The following CDKAL1 variants were observed in gnomAD, a reference collection of about 807,000 sequenced individuals.
CDKAL1 encodes CDKAL1 threonylcarbamoyladenosine tRNA methylthiotransferase.
A neutral mutation model predicts 68.2 loss-of-function variants in CDKAL1; 32 were observed. The ratio of observed to expected loss-of-function variants is 0.47; its 90% CI spans 0.35 to 0.63. The LOEUF is 0.63. CDKAL1 is among the 30% of genes least tolerant of loss of function. The pLI is 0.00. For missense variants in CDKAL1, 606 were observed against 696.7 expected (o/e 0.87, Z 1.47); for synonymous variants, 234 against 244.3 (o/e 0.96, Z 0.39).
chr6:20,869,924 A>G (rs1477399331), intron 9 of CDKAL1, among the ~76,000 whole-genome samples: 1 of 152,166 alleles, frequency 6.6e-6, no homozygotes, highest in Non-Finnish European at 1.5e-5. Context: ...AGCATCTGTG[A>G]TTGTAGGTAA....
chr6:20,624,943 G>A (rs1357780823), intron 4 of CDKAL1, among the ~76,000 whole-genome samples: 1 of 151,998 alleles, frequency 6.6e-6, no homozygotes, highest in African/African-American at 2.4e-5. Flanking sequence ...TTTTGGCACA[G>A]GTCATATGAT....
At chr6:20,615,018 G>C (rs1000113527) in intron 4 of CDKAL1, among the ~76,000 whole-genome samples, 2 of 138,554 alleles carry the variant, frequency 1.4e-5, no homozygotes, top group Non-Finnish European at 3.1e-5. Flanking sequence ...CTATGAGTGA[G>C]AATATGCGGT....
At chr6:20,939,819 C>A (rs1390606225) in intron 9 of CDKAL1, among the ~76,000 whole-genome samples, 2 of 152,066 alleles carry the variant, frequency 1.3e-5, no homozygotes, top group Admixed American at 6.6e-5. Flanking sequence ...ATAGATCACA[C>A]CTGGAAATGA....
At chr6:21,204,978 T>C (rs1274760736) in intron 15 of CDKAL1, among the ~76,000 whole-genome samples, 1 of 152,226 alleles carries the variant, frequency 6.6e-6, no homozygotes. Flanking sequence ...TGGTAACTTC[T>C]AATCTACTTT....
At chr6:20,820,748 A>G (rs748890048) in intron 8 of CDKAL1, among the ~76,000 whole-genome samples, 4 of 152,090 alleles carry the variant, frequency 2.6e-5, no homozygotes, top group Non-Finnish European at 5.9e-5. Flanking sequence ...CATATATTCA[A>G]AAATGTTTAT....
intron 13 of CDKAL1, among the ~76,000 whole-genome samples, chr6:21,167,408 A>G (rs991847674): frequency 6.6e-6 from 1 of 152,220 alleles, no homozygotes; most frequent in African/African-American, 2.4e-5. Flanking sequence ...AAATATTAGA[A>G]AACACTTAAT....
chr6:21,098,360 G>A (rs1773417847), intron 12 of CDKAL1, among the ~76,000 whole-genome samples: 1 of 152,046 alleles, frequency 6.6e-6, no homozygotes, highest in Non-Finnish European at 1.5e-5. Context: ...GACTGTAGGG[G>A]GAATGAAGGA....
chr6:20,863,283 C>T (rs1242332557), intron 9 of CDKAL1, among the ~76,000 whole-genome samples: 1 of 152,124 alleles, frequency 6.6e-6, no homozygotes, highest in African/African-American at 2.4e-5. Context: ...CATCATCTCT[C>T]CTCATTCTGC....
rs550571623 is a variant in CDKAL1, at chr6:20,631,560, C to T, written c.287-17733C>T. Among the ~76,000 whole-genome samples, 139 of 152,292 alleles carry T rather than the reference C, an allele frequency of 9.1e-4. 1 individual carries two copies. The highest frequency in any genetic ancestry group is 3.1e-3 in the African/African-American group (127 of 41,562). On this transcript the variant is annotated intron_variant, in intron 4 of 15. Coordinates refer to ENST00000274695, the MANE Select transcript of CDKAL1 (RefSeq NM_017774.3). The stretch of plus-strand genomic sequence containing the variant: ...TGCAACCATCTCTTCTCCACTTGAG[C>T]ATCTATTTCCCCATAATTAATGGTG...
intron 11 of CDKAL1, among the ~76,000 whole-genome samples, chr6:21,054,591 T>G (rs1327348924): frequency 2.0e-5 from 3 of 152,186 alleles, no homozygotes; most frequent in Non-Finnish European, 2.9e-5. Context: ...GAAAATTATA[T>G]ATTCTTCCAT....
intron 13 of CDKAL1, among the ~76,000 whole-genome samples, chr6:21,192,282 A>G (rs1026689116): frequency 6.6e-6 from 1 of 151,542 alleles, no homozygotes; most frequent in Non-Finnish European, 1.5e-5. Context: ...CGGCCTCCCA[A>G]AGTGCTGGGA....
Position 21,231,265 on chromosome 6 carries a change from A to T in CDKAL1, c.*226A>T. On this transcript the variant is annotated 3_prime_UTR_variant, in exon 16 of 16. Coordinates refer to ENST00000274695, the MANE Select transcript of CDKAL1 (RefSeq NM_017774.3). ...CACCGCTACCATAGCACATCCTTCAAATTAAACTGCTTTTGGTTTACTTTT... is the reference window on the plus strand; with the variant it reads ...CACCGCTACCATAGCACATCCTTCATATTAAACTGCTTTTGGTTTACTTTT... 5.3e-6 allele frequency: 2 copies of T among 374,378 alleles called. No individual in the cohort carries two copies. The highest frequency in any genetic ancestry group is 9.5e-6 in the Non-Finnish European group (2 of 211,204). 23.2% of individuals were successfully genotyped at this position (374,378 alleles called of 1,614,324 possible). A position where few individuals can be genotyped will look rare whatever the true frequency, so the allele number is the denominator to read the frequency against.
At chr6:20,631,381 T>A (rs1767668166) in intron 4 of CDKAL1, among the ~76,000 whole-genome samples, 1 of 152,174 alleles carries the variant, frequency 6.6e-6, no homozygotes, top group African/African-American at 2.4e-5. Flanking sequence ...TGTCTAATGA[T>A]CAAGTTACAC....
intron 13 of CDKAL1, among the ~76,000 whole-genome samples, chr6:21,135,090 A>G (rs1282127799): frequency 6.6e-6 from 1 of 152,148 alleles, no homozygotes; most frequent in African/African-American, 2.4e-5. Context: ...AAGAGTGCTA[A>G]TTTTGCTTGG....
Position 21,065,077 on chromosome 6 carries a change from T to C in CDKAL1, c.1085T>C (p.Ile362Thr). The C allele has an allele frequency of 6.3e-7, 1 of 1,593,844 alleles. No homozygotes were observed. ...CCTGGAATAACTATTGCTACAGATA[T>C]TATCTGTGGTTTTCCTGGAGAAACA... ...KVPGITIATD[I>T]ICGFPGETDQ... is the part of the protein sequence containing the mutation. Residue 362 changes from isoleucine to threonine, a missense_variant, in exon 12 of 16, where the codon ATT (isoleucine) becomes ACT (threonine). Ile to Thr is a moderately conservative substitution (Grantham distance 89). Coordinates refer to ENST00000274695, the MANE Select transcript of CDKAL1 (RefSeq NM_017774.3).
intron 13 of CDKAL1, among the ~76,000 whole-genome samples, chr6:21,161,868 A>G (rs904569159): frequency 1.3e-5 from 2 of 152,208 alleles, no homozygotes; most frequent in Admixed American, 1.3e-4. Flanking sequence ...ATTTTCTACT[A>G]AAAGCTGCAT....
intron 9 of CDKAL1, among the ~76,000 whole-genome samples, chr6:20,940,819 T>G (rs373549393): frequency 4.6e-5 from 7 of 152,214 alleles, no homozygotes; most frequent in South Asian, 4.1e-4. Flanking sequence ...GGCCAGGCAC[T>G]GTGGCTCACG....
intron 8 of CDKAL1, among the ~76,000 whole-genome samples, chr6:20,836,842 C>G (rs1346298261): frequency 2.0e-5 from 3 of 152,136 alleles, no homozygotes; most frequent in Admixed American, 2.0e-4. Flanking sequence ...AGAAGAGGCA[C>G]TAAACCACTG....
At chr6:20,876,777 T>C (rs529474842) in intron 9 of CDKAL1, among the ~76,000 whole-genome samples, 1 of 152,208 alleles carries the variant, frequency 6.6e-6, no homozygotes, top group African/African-American at 2.4e-5. Flanking sequence ...TTCTTTTGAG[T>C]ATTTGCTTTA....
Sources: allele counts gnomAD v4.1 joint callset (sites outside exome capture counted in the v4.1 genomes callset), GRCh38; gene constraint gnomAD v4.1.1; transcripts MANE v1.5; gene names NCBI Gene and HGNC (gene_info 2026-07-23, HGNC 2026-07-21).